The following CSMD1 variants were observed in gnomAD, a reference collection of about 807,000 sequenced individuals.
CSMD1 encodes the protein CUB and sushi domain-containing protein 1.
Under a neutral mutation model 417.5 loss-of-function variants are expected in CSMD1, and 213 were observed. The observed-to-expected ratio is 0.51, with a 90% CI of 0.46 to 0.57. The LOEUF (loss-of-function observed/expected upper bound fraction) is 0.57. Among genes scored for constraint, CSMD1 ranks in the 20% least tolerant of loss-of-function variants. The pLI is 0.00. For synonymous variants in CSMD1, 2,862 were observed against 1,736.8 expected (o/e 1.65, Z -16.11); for missense variants, 6,923 against 4,529.7 (o/e 1.53, Z -15.17).
At chr8:4,182,866 A>G (rs1798455381) in intron 3 of CSMD1, among the ~76,000 whole-genome samples, 1 of 152,210 alleles carries the variant, frequency 6.6e-6, no homozygotes, top group Admixed American at 6.5e-5. Flanking sequence ...AATAGCATCA[A>G]ACTCAGAGTC....
intron 10 of CSMD1, among the ~76,000 whole-genome samples, chr8:3,507,564 C>T (rs547001041): frequency 1.2e-3 from 177 of 152,192 alleles, no homozygotes; most frequent in African/African-American, 4.2e-3. Context: ...GTTCTAGATC[C>T]CTGAGGAATC....
intron 3 of CSMD1, among the ~76,000 whole-genome samples, chr8:4,338,013 G>A (rs1255639230): frequency 6.6e-6 from 1 of 152,064 alleles, no homozygotes; most frequent in Admixed American, 6.6e-5. Context: ...GAGGTGTTCT[G>A]AGTGGAAATG....
chr8:4,182,261 A>G (rs1042484564), intron 3 of CSMD1, among the ~76,000 whole-genome samples: 3 of 152,290 alleles, frequency 2.0e-5, no homozygotes, highest in East Asian at 1.9e-4. Context: ...TATCTAGATT[A>G]TCGTTTGCAT....
At chr8:4,149,729 A>G in intron 3 of CSMD1, among the ~76,000 whole-genome samples, 1 of 152,216 alleles carries the variant, frequency 6.6e-6, no homozygotes, top group East Asian at 1.9e-4. Context: ...CATTTTCCAA[A>G]TAACCTCAAC....
Position 4,631,351 on chromosome 8 carries a change from G to C in CSMD1, c.302+5991C>G, listed in dbSNP as rs147251212. Among the ~76,000 whole-genome samples the C allele has an allele frequency of 3.5e-3, 531 of 151,694 alleles. 3 individuals are homozygous for C. The Middle Eastern group carries it at 0.042, about 12-fold the overall frequency. ...CGCTCCAGCCTGGGAGACAGGGCAA[G>C]ATTCAGTCTCAAGACAATAAAATAA... On this transcript the variant is annotated intron_variant, in intron 2 of 69. Coordinates refer to ENST00000635120, the MANE Select transcript of CSMD1 (RefSeq NM_033225.6).
chr8:4,187,442 G>A (rs565164719), intron 3 of CSMD1, among the ~76,000 whole-genome samples: 1 of 152,162 alleles, frequency 6.6e-6, no homozygotes, highest in Admixed American at 6.5e-5. Flanking sequence ...AGGTCAGGAA[G>A]AGACCAGCCT....
intron 2 of CSMD1, among the ~76,000 whole-genome samples, chr8:4,513,800 A>G (rs1438723273): frequency 6.6e-6 from 1 of 152,202 alleles, no homozygotes; most frequent in Non-Finnish European, 1.5e-5. Context: ...GCTGGGGAAT[A>G]TTACTTAAGC....
chr8:4,681,929 G>A (rs1806076667), intron 1 of CSMD1, among the ~76,000 whole-genome samples: 1 of 152,146 alleles, frequency 6.6e-6, no homozygotes, highest in Admixed American at 6.6e-5. Context: ...TGGTCACTAG[G>A]AAGTGTTGAT....
rs182395705 is a variant in CSMD1, at chr8:4,071,209, G to C, written c.416-39110C>G. The stretch of plus-strand genomic sequence containing the variant: ...TATTCTCCCTCTCTTTCTCCTTCCG[G>C]AGTTTCAGCTAAACGTCTGTTAGGC... On this transcript the variant is annotated intron_variant, in intron 3 of 69. Coordinates refer to ENST00000635120, the MANE Select transcript of CSMD1 (RefSeq NM_033225.6). Among the ~76,000 whole-genome samples the C allele has an allele frequency of 2.5e-4, 38 of 151,802 alleles. No homozygotes were observed. The East Asian group carries it at 5.0e-3, about 20-fold the overall frequency.
intron 5 of CSMD1, among the ~76,000 whole-genome samples, chr8:3,904,369 C>A (rs567197955): frequency 2.0e-5 from 3 of 152,132 alleles, no homozygotes; most frequent in African/African-American, 7.2e-5. Flanking sequence ...CACACTAACT[C>A]TTTATTGCAA....
At chr8:3,037,892 C>G (rs1404875658) in intron 50 of CSMD1, among the ~76,000 whole-genome samples, 1 of 152,154 alleles carries the variant, frequency 6.6e-6, no homozygotes, top group Admixed American at 6.5e-5. Flanking sequence ...CCAACTGAAT[C>G]TAGACCTTCA....
At chr8:4,121,407 G>C (rs1802480543) in intron 3 of CSMD1, among the ~76,000 whole-genome samples, 1 of 152,110 alleles carries the variant, frequency 6.6e-6, no homozygotes, top group Non-Finnish European at 1.5e-5. Flanking sequence ...GAGTGTCAAT[G>C]TATTTTTCAT....
At chr8:3,014,439 C>T (rs369846223) in intron 52 of CSMD1, among the ~76,000 whole-genome samples, 2 of 152,160 alleles carry the variant, frequency 1.3e-5, no homozygotes, top group East Asian at 1.9e-4. Context: ...AACAATCACA[C>T]TGGATATGAG....
chr8:3,092,744 T>C (rs2129008914), intron 47 of CSMD1, among the ~76,000 whole-genome samples: 1 of 152,240 alleles, frequency 6.6e-6, no homozygotes, highest in East Asian at 1.9e-4. Flanking sequence ...CCCAAAACCA[T>C]TTTTCAGGAG....
At position 3,108,682 on chromosome 8, in the gene CSMD1, C is replaced by A; in HGVS notation, c.6675G>T (p.Ala2225=). Residue 2225 remains alanine (A), a synonymous_variant, in exon 44 of 70, where the codon GCG becomes GCT. Coordinates refer to ENST00000635120, the MANE Select transcript of CSMD1 (RefSeq NM_033225.6). ...VFSGNTALET[A]YSSTNQVLLK... ...GCAGGACTTGGTTGGTGGAGCTATA[C>A]GCCGTTTCGAGGGCTGTGTTGCCAC... The A allele has an allele frequency of 6.2e-7, 1 of 1,613,644 alleles. No individual in the cohort carries two copies. The highest frequency in any genetic ancestry group is 8.5e-7 in the Non-Finnish European group (1 of 1,179,772).
intron 7 of CSMD1, among the ~76,000 whole-genome samples, chr8:3,684,864 C>T: frequency 6.6e-6 from 1 of 152,202 alleles, no homozygotes; most frequent in Middle Eastern, 3.4e-3. Flanking sequence ...ATTCAGAATT[C>T]TTACATACTT....
intron 2 of CSMD1, among the ~76,000 whole-genome samples, chr8:4,477,096 A>C (rs2959180): frequency 0.89 from 135,478 of 152,180 alleles, 60,370 homozygotes; most frequent in Middle Eastern, 0.97. Context: ...AGGTGTGAGC[A>C]CTCCTTCCCA....
intron 5 of CSMD1, among the ~76,000 whole-genome samples, chr8:3,987,127 TAC>T (rs1332784385): frequency 6.6e-6 from 1 of 152,190 alleles, no homozygotes; most frequent in African/African-American, 2.4e-5. Flanking sequence ...GGAATGTATT[TAC>T]ACACACAGCG....
chr8:3,476,082 C>T (rs1280239390), intron 11 of CSMD1, among the ~76,000 whole-genome samples: 1 of 152,178 alleles, frequency 6.6e-6, no homozygotes, highest in Non-Finnish European at 1.5e-5. Context: ...ATGGCTCATG[C>T]CTGTAATCCC....
Sources: gnomAD v4.1 joint callset for allele counts (sites outside exome capture counted in the v4.1 genomes callset) on GRCh38, gnomAD v4.1.1 for gene constraint, MANE v1.5 for transcripts, NCBI Gene and HGNC (gene_info 2026-07-23, HGNC 2026-07-21) for gene names.